Variants in ZMYM2 observed in about 807,000 individuals in gnomAD.
ZMYM2 encodes zinc finger MYM-type protein 2.
Under a neutral mutation model 162.8 loss-of-function variants are expected in ZMYM2, and 56 were observed. That is an observed-to-expected ratio of 0.34 (90% CI 0.28 to 0.43). The LOEUF is 0.43. ZMYM2 is among the 20% of genes least tolerant of loss of function. The probability of loss-of-function intolerance (pLI) is 1.00; values close to 1 mark genes in which losing one functional copy is unlikely to be tolerated. For missense variants in ZMYM2, 1,275 were observed against 1,621.8 expected, an observed-to-expected ratio of 0.79 and a Z score of 3.67; for synonymous variants, 510 against 541.6, an observed-to-expected ratio of 0.94 and a Z score of 0.81.
At chr13:20,055,939 G>A (rs551517078) in intron 14 of ZMYM2, among the ~76,000 whole-genome samples, 35 of 152,324 alleles carry the variant, frequency 2.3e-4, no homozygotes, top group East Asian at 7.7e-4. Context: ...AAGTGTTGAA[G>A]TTGAGGCGAG....
intron 21 of ZMYM2, among the ~76,000 whole-genome samples, chr13:20,074,615 T>C (rs1957352544): frequency 6.6e-6 from 1 of 151,468 alleles, no homozygotes; most frequent in African/African-American, 2.4e-5. Flanking sequence ...CTCAGCTCAC[T>C]GCAAGCTCCG....
intron 17 of ZMYM2, among the ~76,000 whole-genome samples, chr13:20,061,779 G>C (rs1209132407): frequency 6.6e-6 from 1 of 152,038 alleles, no homozygotes; most frequent in Non-Finnish European, 1.5e-5. Context: ...AGTAGAGACA[G>C]GGCTTCCCTA....
At chr13:20,083,069 A>T in intron 23 of ZMYM2, 37 bp downstream of exon 23, 1 of 1,502,106 alleles carries the variant, frequency 6.7e-7, no homozygotes. Flanking sequence ...TTTTATTTTT[A>T]AATTTTTTTT....
chr13:20,026,358 GTTAAACTAA>G (rs902034922), intron 7 of ZMYM2: 73 of 296,652 alleles, frequency 2.5e-4, no homozygotes, highest in African/African-American at 1.6e-3. Context: ...TAGGGATTCT[GTTAAACTAA>G]ATATAATAGA....
the ZMYM2 span, among the ~76,000 whole-genome samples, chr13:19,951,607 C>T: frequency 0.013 from 1,915 of 149,792 alleles, 16 homozygotes; most frequent in Non-Finnish European, 0.018. Flanking sequence ...GAGATTGAGG[C>T]AGGAGGATCG....
the ZMYM2 span, among the ~76,000 whole-genome samples, chr13:19,884,253 T>C: frequency 1.1e-4 from 17 of 152,078 alleles, no homozygotes; most frequent in African/African-American, 4.1e-4. Context: ...GTCCAGTATT[T>C]ATCCCTTCTG....
the ZMYM2 span, among the ~76,000 whole-genome samples, chr13:19,872,616 A>C: frequency 6.6e-6 from 1 of 152,210 alleles, no homozygotes; most frequent in African/African-American, 2.4e-5. Context: ...TCAAACTTAC[A>C]GAGTTGTATT....
chr13:20,078,062 C>T (rs1297592960), intron 21 of ZMYM2, among the ~76,000 whole-genome samples: 1 of 152,016 alleles, frequency 6.6e-6, no homozygotes, highest in East Asian at 1.9e-4. Flanking sequence ...CATGATCCAC[C>T]CGCCTCGGCC....
At chr13:19,896,033 A>ATT in the ZMYM2 span, among the ~76,000 whole-genome samples, 336 of 147,218 alleles carry the variant, frequency 2.3e-3, 4 homozygotes, top group East Asian at 2.8e-3. Context: ...TTCTGATTCC[A>ATT]TTTTTTTTTT....
At chr13:20,044,825 A>G (rs1479750075) in intron 12 of ZMYM2, among the ~76,000 whole-genome samples, 2 of 151,962 alleles carry the variant, frequency 1.3e-5, no homozygotes, top group African/African-American at 4.8e-5. Flanking sequence ...CAAGGCGGGC[A>G]GATCACTTGA....
intron 10 of ZMYM2, among the ~76,000 whole-genome samples, chr13:20,033,122 G>GTGTGA: frequency 6.6e-6 from 1 of 152,008 alleles, no homozygotes; most frequent in African/African-American, 2.4e-5. Context: ...CCAGTAAGAG[G>GTGTGA]TAATAAAGGA....
the ZMYM2 span, among the ~76,000 whole-genome samples, chr13:19,920,476 T>G: frequency 7.0e-6 from 1 of 141,932 alleles, no homozygotes; most frequent in Non-Finnish European, 1.5e-5. Context: ...CAATTCAGAG[T>G]GAGGGTAAAA....
the ZMYM2 span, among the ~76,000 whole-genome samples, chr13:19,923,343 C>A: frequency 9.3e-5 from 10 of 107,852 alleles, no homozygotes; most frequent in African/African-American, 3.7e-4. Context: ...GGCGACACAG[C>A]GAGACTCCGT....
the ZMYM2 span, among the ~76,000 whole-genome samples, chr13:19,941,389 T>A: frequency 1.3e-5 from 2 of 151,780 alleles, no homozygotes; most frequent in East Asian, 3.9e-4. Context: ...CAGAGTTTAT[T>A]TGAGCATTAA....
the ZMYM2 span, among the ~76,000 whole-genome samples, chr13:19,928,674 G>A: frequency 6.6e-6 from 1 of 152,028 alleles, no homozygotes; most frequent in Non-Finnish European, 1.5e-5. Context: ...GCACATGCCT[G>A]TAGTCCTAGC....
chr13:19,922,987 A>C, the ZMYM2 span, among the ~76,000 whole-genome samples: 1 of 148,066 alleles, frequency 6.8e-6, no homozygotes, highest in Non-Finnish European at 1.5e-5. Context: ...GTACCACTGC[A>C]CTCCAGCCTA....
the ZMYM2 span, among the ~76,000 whole-genome samples, chr13:19,868,717 A>G: frequency 6.6e-6 from 1 of 152,162 alleles, no homozygotes; most frequent in Non-Finnish European, 1.5e-5. Flanking sequence ...CTCATGCCAA[A>G]TAGTCCAGTT....
At chr13:20,056,526 T>C (rs1303015485) in intron 14 of ZMYM2, among the ~76,000 whole-genome samples, 2 of 152,062 alleles carry the variant, frequency 1.3e-5, no homozygotes, top group Non-Finnish European at 2.9e-5. Context: ...CTTGTGAGGC[T>C]CTCAATGCCG....
At chr13:20,055,500 T>G (rs1051410937) in intron 14 of ZMYM2, among the ~76,000 whole-genome samples, 14 of 152,200 alleles carry the variant, frequency 9.2e-5, no homozygotes, top group African/African-American at 3.1e-4. Context: ...ATGATTTTTG[T>G]TGTTTAGAAG....
Sources: gnomAD v4.1 joint callset for allele counts (sites outside exome capture counted in the v4.1 genomes callset) on GRCh38, gnomAD v4.1.1 for gene constraint, MANE v1.5 for transcripts, NCBI Gene and HGNC (gene_info 2026-07-23, HGNC 2026-07-21) for gene names.